The following CERS6 variants were observed in gnomAD, a reference collection of about 807,000 sequenced individuals.
CERS6 encodes ceramide synthase 6.
In CERS6, 26 loss-of-function variants were observed where a neutral mutation model predicts 56.8. The observed-to-expected ratio is 0.46, with a 90% CI of 0.34 to 0.63. The LOEUF (loss-of-function observed/expected upper bound fraction) is 0.63. CERS6 is among the 30% of genes least tolerant of loss of function. The pLI is 0.01. For synonymous variants in CERS6, 164 were observed against 173.3 expected, an observed-to-expected ratio of 0.95 and a Z score of 0.42; for missense variants, 415 against 467.5, an observed-to-expected ratio of 0.89 and a Z score of 1.04.
chr2:168,768,098 A>ACT (rs1455005766), intron 9 of CERS6, among the ~76,000 whole-genome samples: 1 of 151,990 alleles, frequency 6.6e-6, no homozygotes, highest in African/African-American at 2.4e-5. Flanking sequence ...AAATAGTAGG[A>ACT]TTTTTCTCAT....
intron 4 of CERS6, among the ~76,000 whole-genome samples, chr2:168,649,153 C>T (rs780919066): frequency 3.3e-5 from 5 of 152,168 alleles, no homozygotes; most frequent in Non-Finnish European, 5.9e-5. Context: ...GCTTCCTCAG[C>T]ATACTGCCTC....
intron 1 of CERS6, among the ~76,000 whole-genome samples, chr2:168,545,297 T>C (rs1695446268): frequency 6.6e-6 from 1 of 152,230 alleles, no homozygotes; most frequent in Non-Finnish European, 1.5e-5. Context: ...CCCTATCCTT[T>C]GGACATTGCT....
At chr2:168,668,903 A>G (rs1322674976) in intron 4 of CERS6, among the ~76,000 whole-genome samples, 1 of 152,210 alleles carries the variant, frequency 6.6e-6, no homozygotes, top group Non-Finnish European at 1.5e-5. Context: ...AATTATACAT[A>G]TGCATGACTT....
In CERS6 at chr2:168,561,331, CT is replaced by C. The variant is rs769668537; in HGVS notation, c.407+10del. On this transcript the variant is annotated intron_variant, in intron 3 of 9. Coordinates refer to ENST00000305747, the MANE Select transcript of CERS6 (RefSeq NM_203463.3). ...AGGTTCTGTGAGAGCATGTAAGTTG[CT>C]GTTTTTCTTTTTGAAAGAAAAGACC... is the stretch of plus-strand genomic sequence containing the variant. The C allele has an allele frequency of 1.2e-4, 190 of 1,613,794 alleles. No homozygotes were observed. The highest frequency in any genetic ancestry group is 1.6e-4 in the Non-Finnish European group (189 of 1,179,914).
intron 3 of CERS6, among the ~76,000 whole-genome samples, chr2:168,578,868 A>T (rs1683341011): frequency 6.6e-6 from 1 of 152,054 alleles, no homozygotes; most frequent in Non-Finnish European, 1.5e-5. Flanking sequence ...TTATCTCAAC[A>T]TTTTTTTCCT....
At chr2:168,512,547 T>G (rs1694807079) in intron 1 of CERS6, among the ~76,000 whole-genome samples, 1 of 152,194 alleles carries the variant, frequency 6.6e-6, no homozygotes, top group Non-Finnish European at 1.5e-5. Context: ...CTTCAAGATG[T>G]TTTAATGTAT....
Position 168,771,012 on chromosome 2 carries a change from TG to T in CERS6, c.*1351del, listed in dbSNP as rs1256032195. 1.3e-5 allele frequency: 2 copies of T among 152,190 alleles called. No homozygotes were observed. The highest frequency in any genetic ancestry group is 4.8e-5 in the African/African-American group (2 of 41,454). The allele number at this position is 152,190 out of a possible 1,614,324, so 9.4% of individuals were successfully genotyped here. ...TTTATGTACAGATAAGAAAACCATA[TG>T]TCAGCCAAAGATTTTATCTCTTCTT... On this transcript the variant is annotated 3_prime_UTR_variant, in exon 10 of 10. Coordinates refer to ENST00000305747, the MANE Select transcript of CERS6 (RefSeq NM_203463.3).
intron 6 of CERS6, among the ~76,000 whole-genome samples, chr2:168,708,539 T>C (rs573461102): frequency 6.6e-6 from 1 of 152,318 alleles, no homozygotes; most frequent in African/African-American, 2.4e-5. Context: ...GCTATGCTGC[T>C]CTTCTTCTGT....
chr2:168,585,917 C>T (rs1683529986), intron 3 of CERS6, among the ~76,000 whole-genome samples: 2 of 152,164 alleles, frequency 1.3e-5, no homozygotes, highest in Admixed American at 1.3e-4. Flanking sequence ...GGAAATGTTG[C>T]ACAACTAGGG....
chr2:168,481,469 A>G (rs1694177917), intron 1 of CERS6, among the ~76,000 whole-genome samples: 1 of 152,162 alleles, frequency 6.6e-6, no homozygotes, highest in African/African-American at 2.4e-5. Flanking sequence ...GCAACTGAGC[A>G]ACTTTTTTTT....
In CERS6 at chr2:168,661,309, G is replaced by A. The variant is rs1387910093; in HGVS notation, c.466-29725G>A. Among the ~76,000 whole-genome samples, 13 of 152,186 alleles carry A rather than the reference G, an allele frequency of 8.5e-5. 1 individual carries two copies. Among genetic ancestry groups the A allele is most frequent in the Middle Eastern group, 6.8e-3 (2 of 294 alleles). ...AAGATTAGGAAATCATTTCAATTAG[G>A]CATGTAAGATTACCTGCTAGACTAG... On this transcript the variant is annotated intron_variant, in intron 4 of 9. Coordinates refer to ENST00000305747, the MANE Select transcript of CERS6 (RefSeq NM_203463.3).
intron 8 of CERS6, among the ~76,000 whole-genome samples, chr2:168,751,427 C>G (rs1684264843): frequency 6.6e-6 from 1 of 152,178 alleles, no homozygotes; most frequent in African/African-American, 2.4e-5. Context: ...TTTGTTCTCT[C>G]TTGAGGAATC....
intron 1 of CERS6, among the ~76,000 whole-genome samples, chr2:168,513,190 T>G (rs1694819208): frequency 6.6e-6 from 1 of 152,236 alleles, no homozygotes; most frequent in African/African-American, 2.4e-5. Context: ...TATAGAAAAT[T>G]TGTAACATTA....
At chr2:168,481,773 G>A (rs1214095768) in intron 1 of CERS6, among the ~76,000 whole-genome samples, 1 of 152,106 alleles carries the variant, frequency 6.6e-6, no homozygotes, top group Non-Finnish European at 1.5e-5. Context: ...CCCAAATGTG[G>A]GTTTACTTAT....
At chr2:168,612,054 A>G (rs1301843122) in intron 3 of CERS6, among the ~76,000 whole-genome samples, 3 of 152,260 alleles carry the variant, frequency 2.0e-5, no homozygotes, top group Non-Finnish European at 2.9e-5. Flanking sequence ...GTTAAGAGTT[A>G]TGGAGCCCTT....
intron 6 of CERS6, among the ~76,000 whole-genome samples, chr2:168,701,327 A>G (rs1395054336): frequency 1.3e-5 from 2 of 152,196 alleles, no homozygotes; most frequent in Non-Finnish European, 2.9e-5. Context: ...TTGTCTAATC[A>G]GTACCTCTCA....
chr2:168,611,298 C>G (rs543450486), intron 3 of CERS6, among the ~76,000 whole-genome samples: 1 of 152,288 alleles, frequency 6.6e-6, no homozygotes, highest in South Asian at 2.1e-4. Context: ...CCAGCATTAT[C>G]AGCATAGAAA....
At chr2:168,600,208 CTCT>C (rs1369603926) in intron 3 of CERS6, among the ~76,000 whole-genome samples, 13 of 149,566 alleles carry the variant, frequency 8.7e-5, no homozygotes, top group African/African-American at 3.0e-4. Flanking sequence ...CTCTCTCTCT[CTCT>C]TTTTTTTTTT....
chr2:168,461,459 CAAAAAAAA>C (rs397869323), intron 1 of CERS6, among the ~76,000 whole-genome samples: 1 of 79,046 alleles, frequency 1.3e-5, no homozygotes. Flanking sequence ...GACCCTGTCT[CAAAAAAAA>C]AAAAAAAAAA....
Sources: gnomAD v4.1 joint callset for allele counts (sites outside exome capture counted in the v4.1 genomes callset) on GRCh38, gnomAD v4.1.1 for gene constraint, MANE v1.5 for transcripts, NCBI Gene and HGNC (gene_info 2026-07-23, HGNC 2026-07-21) for gene names.